Variants in KCNN2 observed in about 807,000 individuals in gnomAD.
KCNN2 encodes potassium calcium-activated channel subfamily N member 2.
Under a neutral mutation model 55.5 loss-of-function variants are expected in KCNN2, and 24 were observed. The ratio of observed to expected loss-of-function variants is 0.43; its 90% CI spans 0.31 to 0.61. The LOEUF (loss-of-function observed/expected upper bound fraction) is 0.61. Among genes scored for constraint, KCNN2 ranks in the 20% least tolerant of loss-of-function variants. KCNN2 has a pLI of 0.08. For synonymous variants in KCNN2, 431 were observed against 336.1 expected (o/e 1.28, Z -3.09); for missense variants, 754 against 853.6 (o/e 0.88, Z 1.45).
At chr5:114,189,936 T>G (rs557267801) in intron 1 of KCNN2, among the ~76,000 whole-genome samples, 5 of 151,652 alleles carry the variant, frequency 3.3e-5, no homozygotes, top group African/African-American at 4.8e-5. Flanking sequence ...TCCAGATGAA[T>G]TAAAGATCTC....
intron 1 of KCNN2, among the ~76,000 whole-genome samples, chr5:114,092,136 C>G (rs2416364): frequency 0.53 from 79,881 of 152,018 alleles, 22,001 homozygotes; most frequent in East Asian, 0.69. Flanking sequence ...TAGTTACTTA[C>G]AAGATATAAT....
chr5:114,125,941 C>T lies in KCNN2; in HGVS notation c.-271+69441C>T, dbSNP rs539421945. Among the ~76,000 whole-genome samples the T allele has an allele frequency of 5.5e-4, 84 of 152,174 alleles. 1 individual carries two copies. The highest frequency in any genetic ancestry group is 1.1e-3 in the Non-Finnish European group (74 of 68,026). ...GTCACAAAGGTACTGGAGGTTTGAA[C>T]TTCAGCACATGAATTTTGGGAGGAC... On this transcript the variant is annotated intron_variant, in intron 1 of 10. Coordinates refer to the KCNN2 transcript ENST00000512097.
At chr5:114,239,455 G>A (rs573865737) in intron 2 of KCNN2, among the ~76,000 whole-genome samples, 17 of 152,270 alleles carry the variant, frequency 1.1e-4, no homozygotes, top group African/African-American at 4.1e-4. Context: ...TCCTGCAAAG[G>A]AAAGTACTAT....
rs188571037 is a variant in KCNN2 at position 114,457,483 on chromosome 5, G to A, written c.1638-5566G>A. On this transcript the variant is annotated intron_variant, in intron 3 of 7. Transcript: ENST00000673685. ...ATTGCAGTGATCTGCATCTGAACCT[G>A]CAATATCCCCCAGGTATGACTGCAC... Among the ~76,000 whole-genome samples the A allele has an allele frequency of 4.6e-5, 7 of 152,214 alleles. No homozygotes were observed. In the East Asian group the frequency reaches 1.4e-3, roughly 29 times the overall value.
At chr5:114,114,228 C>T (rs1456609996) in intron 1 of KCNN2, among the ~76,000 whole-genome samples, 1 of 151,962 alleles carries the variant, frequency 6.6e-6, no homozygotes, top group Non-Finnish European at 1.5e-5. Context: ...AATTCACTTA[C>T]TCATCAAAAC....
intron 1 of KCNN2, among the ~76,000 whole-genome samples, chr5:114,098,072 G>A (rs1443319205): frequency 6.6e-6 from 1 of 151,994 alleles, no homozygotes; most frequent in Non-Finnish European, 1.5e-5. Context: ...CTCTTTTCTA[G>A]TTTCTAGAGG....
intron 3 of KCNN2, among the ~76,000 whole-genome samples, chr5:114,428,880 C>T (rs1314260262): frequency 6.6e-6 from 1 of 151,992 alleles, no homozygotes; most frequent in Non-Finnish European, 1.5e-5. Context: ...TAAGATTCTT[C>T]CATATCTTTT....
intron 1 of KCNN2, among the ~76,000 whole-genome samples, chr5:114,119,080 A>G (rs1751776715): frequency 1.3e-5 from 2 of 152,228 alleles, no homozygotes. Flanking sequence ...CAGTATATTA[A>G]GTGCCTAGTA....
intron 1 of KCNN2, among the ~76,000 whole-genome samples, chr5:114,111,664 A>G (rs1751600671): frequency 6.6e-6 from 1 of 152,142 alleles, no homozygotes; most frequent in Admixed American, 6.5e-5. Context: ...AAAAGTGGGC[A>G]AAGGATATGA....
intron 2 of KCNN2, among the ~76,000 whole-genome samples, chr5:114,314,029 A>C (rs1034851408): frequency 6.6e-5 from 10 of 152,154 alleles, no homozygotes; most frequent in African/African-American, 2.4e-4. Flanking sequence ...GCTTTGGCAC[A>C]GGGAGTAGCA....
At chr5:114,158,593 C>A (rs1168907094) in intron 1 of KCNN2, among the ~76,000 whole-genome samples, 7 of 151,728 alleles carry the variant, frequency 4.6e-5, no homozygotes, top group Non-Finnish European at 7.4e-5. Flanking sequence ...TTACCTTGGG[C>A]AGTATGGCCA....
At chr5:114,449,927 C>T (rs565836742) in intron 3 of KCNN2, among the ~76,000 whole-genome samples, 5 of 152,046 alleles carry the variant, frequency 3.3e-5, no homozygotes, top group South Asian at 2.1e-4. Context: ...CTCGCGTGCG[C>T]GCACTCTTCC....
At chr5:114,463,227 G>A (rs774736755) in intron 4 of KCNN2, 37 bp downstream of exon 4, 22 of 1,566,646 alleles carry the variant, frequency 1.4e-5, no homozygotes, top group South Asian at 7.0e-5. Flanking sequence ...TTTTATTTAC[G>A]CTCAAGAAGG....
chr5:114,162,127 G>C (rs1752799242), intron 1 of KCNN2, among the ~76,000 whole-genome samples: 1 of 152,152 alleles, frequency 6.6e-6, no homozygotes, highest in Non-Finnish European at 1.5e-5. Context: ...CCCCATCTTT[G>C]TGGTTTTATC....
chr5:114,339,199 C>G (rs557248032), intron 2 of KCNN2, among the ~76,000 whole-genome samples: 2 of 152,326 alleles, frequency 1.3e-5, no homozygotes, highest in African/African-American at 4.8e-5. Context: ...ACAGCCAGCT[C>G]AAGCTGAGGA....
upstream of KCNN2, among the ~76,000 whole-genome samples, chr5:114,360,499 T>C (rs1266322838): frequency 6.6e-6 from 1 of 152,198 alleles, no homozygotes; most frequent in African/African-American, 2.4e-5. Context: ...TAATTTAAAA[T>C]GGAAACAAAT....
chr5:114,197,715 C>G (rs1452797202), intron 1 of KCNN2, among the ~76,000 whole-genome samples: 1 of 152,112 alleles, frequency 6.6e-6, no homozygotes, highest in Non-Finnish European at 1.5e-5. Context: ...ATGCCAGCAG[C>G]CTGCTCCTCC....
chr5:114,239,830 C>T (rs1003860836), intron 2 of KCNN2, among the ~76,000 whole-genome samples: 4 of 152,090 alleles, frequency 2.6e-5, no homozygotes, highest in Admixed American at 6.5e-5. Flanking sequence ...GGTGTTAAAG[C>T]CTTTGAACTA....
At chr5:114,236,904 G>A (rs1754507022) in intron 2 of KCNN2, among the ~76,000 whole-genome samples, 1 of 152,060 alleles carries the variant, frequency 6.6e-6, no homozygotes, top group Non-Finnish European at 1.5e-5. Flanking sequence ...ACTTAGCTAA[G>A]ATTCATCATA....
Sources: gnomAD v4.1 joint callset for allele counts (sites outside exome capture counted in the v4.1 genomes callset) on GRCh38, gnomAD v4.1.1 for gene constraint, MANE v1.5 for transcripts, NCBI Gene and HGNC (gene_info 2026-07-23, HGNC 2026-07-21) for gene names.